The following LDLRAD4 variants were observed in gnomAD, a reference collection of about 807,000 sequenced individuals.
The protein encoded by LDLRAD4 is low-density lipoprotein receptor class A domain-containing protein 4.
Under a neutral mutation model 17.0 loss-of-function variants are expected in LDLRAD4, and 5 were observed. The observed-to-expected ratio is 0.29, with a 90% CI of 0.15 to 0.62. The LOEUF (loss-of-function observed/expected upper bound fraction) is 0.62, where lower values mean the gene tolerates loss of function less well. Among genes scored for constraint, LDLRAD4 ranks in the 20% least tolerant of loss-of-function variants. LDLRAD4 has a pLI of 0.84. For missense variants in LDLRAD4, 340 were observed against 424.7 expected (o/e 0.80, Z 1.75); for synonymous variants, 168 against 171.8 (o/e 0.98, Z 0.17).
rs541389607 is a variant in LDLRAD4 at position 13,526,035 on chromosome 18, G to A, written c.181+87651G>A. On this transcript the variant is annotated intron_variant, in intron 3 of 5. Coordinates refer to ENST00000359446, the Ensembl canonical transcript of LDLRAD4. ...TGCTTGAAATCTCATGGACTCAGTC[G>A]CGATTTGGGAATTTTATTATATTTT... 4.6e-5 allele frequency: 7 copies of A among 152,278 alleles called. No homozygotes were observed. In the East Asian group the frequency reaches 5.8e-4, roughly 13 times the overall value. The allele number at this position is 152,278 out of a possible 1,614,324, so 9.4% of individuals were successfully genotyped here.
chr18:13,226,917 A>T (rs1335283651), intron 1 of LDLRAD4, among the ~76,000 whole-genome samples: 1 of 152,086 alleles, frequency 6.6e-6, no homozygotes, highest in African/African-American at 2.4e-5. Flanking sequence ...GCAATGGAGA[A>T]TGAGGGCCAG....
chr18:13,552,798 G>A (rs1020802378), intron 3 of LDLRAD4, among the ~76,000 whole-genome samples: 7 of 152,170 alleles, frequency 4.6e-5, no homozygotes, highest in African/African-American at 1.7e-4. Flanking sequence ...GGGTGTGCAC[G>A]GTTCTTTACC....
At chr18:13,293,010 G>T (rs78433993) in intron 1 of LDLRAD4, among the ~76,000 whole-genome samples, 3 of 152,206 alleles carry the variant, frequency 2.0e-5, no homozygotes, top group Admixed American at 6.5e-5. Context: ...TCTGGGGCTC[G>T]AGCACCACGT....
At chr18:13,494,468 C>G (rs1245798372) in intron 3 of LDLRAD4, among the ~76,000 whole-genome samples, 1 of 151,198 alleles carries the variant, frequency 6.6e-6, no homozygotes, top group Admixed American at 6.6e-5. Flanking sequence ...TAAAACAAGT[C>G]AGATATATCT....
At chr18:13,307,769 A>G (rs995338691) in intron 1 of LDLRAD4, among the ~76,000 whole-genome samples, 3 of 152,218 alleles carry the variant, frequency 2.0e-5, no homozygotes, top group Non-Finnish European at 4.4e-5. Flanking sequence ...GTATTATAAG[A>G]ATACTGTAAG....
Position 13,502,613 on chromosome 18 carries a change from C to T in LDLRAD4, c.181+64229C>T, listed in dbSNP as rs377131022. ...GGGAAAAGATAAAGGAGCATCCAGC[C>T]GGTGGCAAAGGAACAAGCCGTGTAG... On this transcript the variant is annotated intron_variant, in intron 3 of 5. Coordinates refer to ENST00000359446, the Ensembl canonical transcript of LDLRAD4. Among the ~76,000 whole-genome samples, 18 of 152,278 alleles carry T rather than the reference C, an allele frequency of 1.2e-4. No individual in the cohort carries two copies. The South Asian group carries it at 1.9e-3, about 16-fold the overall frequency.
At chr18:13,618,720 C>A (rs1001318336) in intron 3 of LDLRAD4, among the ~76,000 whole-genome samples, 12 of 152,162 alleles carry the variant, frequency 7.9e-5, no homozygotes, top group Non-Finnish European at 1.6e-4. Flanking sequence ...CGCTATTTAA[C>A]CACAAAATAA....
At chr18:13,648,635 T>G (rs1253928602) in exon 6 of LDLRAD4, 1 of 152,226 alleles carries the variant, frequency 6.6e-6, no homozygotes, top group Non-Finnish European at 1.5e-5. Context: ...AGAACCCTTT[T>G]TTTAGCTTAT....
Position 13,587,842 on chromosome 18 carries a change from G to C in LDLRAD4, c.182-33275G>C, listed in dbSNP as rs145940871. Among the ~76,000 whole-genome samples the C allele has an allele frequency of 3.6e-4, 55 of 152,294 alleles. No individual in the cohort carries two copies. In the East Asian group the frequency reaches 8.7e-3, roughly 24 times the overall value. On this transcript the variant is annotated intron_variant, in intron 3 of 5. Transcript: ENST00000359446. ...TTAGCTTTAGAATGTCTACAAAAAGGGGGGAGGTCACTTTCAATCTTGAAA... is the reference window on the plus strand; with the variant it reads ...TTAGCTTTAGAATGTCTACAAAAAGCGGGGAGGTCACTTTCAATCTTGAAA...
chr18:13,599,939 A>G (rs1038057517), intron 3 of LDLRAD4, among the ~76,000 whole-genome samples: 1 of 152,204 alleles, frequency 6.6e-6, no homozygotes, highest in African/African-American at 2.4e-5. Flanking sequence ...AATTATCTTT[A>G]TATTCTATAA....
At chr18:13,333,556 TGATCTGTTTAGAGTTAATTTTTGTG>T (rs2081969285) in intron 1 of LDLRAD4, among the ~76,000 whole-genome samples, 1 of 152,234 alleles carries the variant, frequency 6.6e-6, no homozygotes, top group South Asian at 2.1e-4. Context: ...TTGAGTTCTA[TGATCTGTTTAGAGTTAATTTTTGTG>T]AAGGGTGTAA....
At chr18:13,651,032 T>TTTAG (rs1407775512) in exon 6 of LDLRAD4, 1 of 152,260 alleles carries the variant, frequency 6.6e-6, no homozygotes, top group Non-Finnish European at 1.5e-5. Context: ...TTTTAATCAT[T>TTTAG]TTAGTAATGC....
Position 13,588,648 on chromosome 18 carries a change from G to A in LDLRAD4, c.182-32469G>A, listed in dbSNP as rs148884837. Among the ~76,000 whole-genome samples, 593 of 151,660 alleles carry A rather than the reference G, an allele frequency of 3.9e-3. 8 individuals carry two copies. The highest frequency in any genetic ancestry group is 0.014 in the African/African-American group (564 of 41,310). On this transcript the variant is annotated intron_variant, in intron 3 of 5. Coordinates refer to ENST00000359446, the Ensembl canonical transcript of LDLRAD4. ...AGTTCCTTTTCTCCCTCTGCTACTC[G>A]CCGGGTGTTTTTGTACGCAGCTTCC...
At chr18:13,363,331 CAAAAAAAAAAAAA>C (rs5742236) in intron 1 of LDLRAD4, among the ~76,000 whole-genome samples, 1 of 86,944 alleles carries the variant, frequency 1.2e-5, no homozygotes, top group African/African-American at 4.2e-5. Context: ...GACTCCGTCT[CAAAAAAAAAAAAA>C]AAAAAAAAAA....
intron 3 of LDLRAD4, among the ~76,000 whole-genome samples, chr18:13,470,113 G>C (rs1206086650): frequency 6.6e-6 from 1 of 152,162 alleles, no homozygotes; most frequent in Non-Finnish European, 1.5e-5. Flanking sequence ...TGGAGCAGTT[G>C]CCCTTTGACA....
intron 3 of LDLRAD4, among the ~76,000 whole-genome samples, chr18:13,504,450 CAG>C (rs1292647200): frequency 2.6e-5 from 4 of 152,190 alleles, no homozygotes; most frequent in African/African-American, 4.8e-5. Context: ...GTTTTTGAGA[CAG>C]AGTCTCACTC....
At chr18:13,251,697 G>A (rs950472953) in intron 1 of LDLRAD4, among the ~76,000 whole-genome samples, 1 of 152,164 alleles carries the variant, frequency 6.6e-6, no homozygotes, top group African/African-American at 2.4e-5. Context: ...AAACTACAAA[G>A]CATCGATGAA....
intron 1 of LDLRAD4, among the ~76,000 whole-genome samples, chr18:13,376,180 C>T (rs1223397117): frequency 6.6e-6 from 1 of 152,132 alleles, no homozygotes; most frequent in Non-Finnish European, 1.5e-5. Context: ...TGGCCTCTGT[C>T]TGAAGAAATG....
At chr18:13,541,730 G>A (rs1029592642) in intron 3 of LDLRAD4, among the ~76,000 whole-genome samples, 1 of 152,232 alleles carries the variant, frequency 6.6e-6, no homozygotes, top group African/African-American at 2.4e-5. Flanking sequence ...CTTCCCTGGT[G>A]TGAGGAGTTT....
Sources: gnomAD v4.1 joint callset for allele counts (sites outside exome capture counted in the v4.1 genomes callset) on GRCh38, gnomAD v4.1.1 for gene constraint, MANE v1.5 for transcripts, NCBI Gene and HGNC (gene_info 2026-07-23, HGNC 2026-07-21) for gene names.